The following ACAP2 variants were observed in gnomAD, a reference collection of about 807,000 sequenced individuals.
ACAP2 encodes the protein ArfGAP with coiled-coil, ankyrin repeat and PH domains 2.
Under a neutral mutation model 115.8 loss-of-function variants are expected in ACAP2, and 39 were observed. That is an observed-to-expected ratio of 0.34 (90% CI 0.26 to 0.44). The LOEUF is 0.44. ACAP2 is among the 20% of genes least tolerant of loss of function. ACAP2 has a pLI of 1.00. For missense variants in ACAP2, 662 were observed against 927.6 expected (o/e 0.71, Z 3.72); for synonymous variants, 289 against 315.8 (o/e 0.92, Z 0.90).
chr3:195,321,990 T>C (rs2108604378), intron 9 of ACAP2, among the ~76,000 whole-genome samples: 1 of 152,334 alleles, frequency 6.6e-6, no homozygotes, highest in South Asian at 2.1e-4. Context: ...AAACAGATCT[T>C]AGTCTACAGT....
At chr3:195,421,969 A>G (rs1703263165) in intron 1 of ACAP2, among the ~76,000 whole-genome samples, 1 of 152,206 alleles carries the variant, frequency 6.6e-6, no homozygotes. Flanking sequence ...TTATATAAAG[A>G]ACATTTCTGC....
rs1577388664 is a variant in ACAP2 at position 195,381,765 on chromosome 3, A to G, written c.231+138T>C. 4 of 893,312 alleles carry G rather than the reference A, an allele frequency of 4.5e-6. No individual in the cohort carries two copies. In the African/African-American group the frequency reaches 6.7e-5, roughly 15 times the overall value. The allele number at this position is 893,312 out of a possible 1,614,324, so 55.3% of individuals were successfully genotyped here. Reference sequence around the variant, plus strand: ...CTTAGAAAACAGAATCATACAAGAGAGCACCAAGGGGTGACCACTTTTCTA... The same window carrying G: ...CTTAGAAAACAGAATCATACAAGAGGGCACCAAGGGGTGACCACTTTTCTA... On this transcript the variant is annotated intron_variant, in intron 3 of 22. Transcript: ENST00000326793.
At chr3:195,355,113 T>C (rs1731867123) in intron 4 of ACAP2, among the ~76,000 whole-genome samples, 1 of 152,132 alleles carries the variant, frequency 6.6e-6, no homozygotes, top group South Asian at 2.1e-4. Context: ...CCCAAAGTGC[T>C]GGGATTACAG....
chr3:195,403,834 C>T (rs1712518602), intron 1 of ACAP2, among the ~76,000 whole-genome samples: 1 of 151,954 alleles, frequency 6.6e-6, no homozygotes, highest in Non-Finnish European at 1.5e-5. Flanking sequence ...GGTGGATGCA[C>T]CTGAGTCTAG....
At chr3:195,316,038 A>G (rs1729067809) in intron 10 of ACAP2, among the ~76,000 whole-genome samples, 1 of 152,176 alleles carries the variant, frequency 6.6e-6, no homozygotes, top group East Asian at 1.9e-4. Flanking sequence ...TCTTCTTAAC[A>G]TAATGGTATG....
intron 22 of ACAP2, chr3:195,280,656 A>G (rs1474657203): frequency 6.6e-6 from 1 of 152,196 alleles, no homozygotes; most frequent in Non-Finnish European, 1.5e-5. Context: ...ACCGAGAAAT[A>G]GATTATAGAT....
chr3:195,295,932 CTCAG>C, intron 16 of ACAP2, 40 bp from the exon 17 acceptor site: 2 of 1,535,172 alleles, frequency 1.3e-6, no homozygotes, highest in South Asian at 2.5e-5. Flanking sequence ...TGCTTAATCT[CTCAG>C]CATGGCTAAT....
Position 195,279,266 on chromosome 3 carries a change from A to G in ACAP2, c.*62T>C. Reference sequence around the variant, plus strand: ...GAATTAAAGCAGTAAAAAAATTGTGATTTTTTAGCTGTATACATTAGGGGG... The same window carrying G: ...GAATTAAAGCAGTAAAAAAATTGTGGTTTTTTAGCTGTATACATTAGGGGG... On this transcript the variant is annotated 3_prime_UTR_variant, in exon 23 of 23. Coordinates refer to ENST00000326793, the MANE Select transcript of ACAP2 (RefSeq NM_012287.6). 1 of 1,152,762 alleles carries G rather than the reference A, an allele frequency of 8.7e-7. No individual in the cohort carries two copies. The highest frequency in any genetic ancestry group is 1.2e-6 in the Non-Finnish European group (1 of 803,032). 71.4% of individuals were successfully genotyped at this position (1,152,762 alleles called of 1,614,324 possible).
chr3:195,325,526 T>C (rs1577303137), intron 9 of ACAP2: 1 of 406,550 alleles, frequency 2.5e-6, no homozygotes, highest in African/African-American at 2.1e-5. Flanking sequence ...TCATTTTCTT[T>C]AAAGGAAAAC....
intron 3 of ACAP2, among the ~76,000 whole-genome samples, chr3:195,381,537 G>A (rs891140085): frequency 6.6e-6 from 1 of 152,082 alleles, no homozygotes; most frequent in East Asian, 1.9e-4. Context: ...CAGTTAAGAC[G>A]CTGTACTTAG....
chr3:195,421,583 T>C (rs1028244268), intron 1 of ACAP2, among the ~76,000 whole-genome samples: 14 of 152,232 alleles, frequency 9.2e-5, no homozygotes, highest in Admixed American at 8.5e-4. Flanking sequence ...ATTAGTGCTG[T>C]AGTCATAGGA....
rs1307293164 is a variant in ACAP2, at chr3:195,326,675, A to G, written c.744+210T>C. ...CAAATTTTTATAAACTGGTTCAAGA[A>G]GCATAGCTTTCAAAGATCTGAAAAA... On this transcript the variant is annotated intron_variant, in intron 9 of 22. Coordinates refer to ENST00000326793, the MANE Select transcript of ACAP2 (RefSeq NM_012287.6). 8.3e-6 allele frequency: 4 copies of G among 479,374 alleles called. No homozygotes were observed. The East Asian group carries it at 1.4e-4, about 17-fold the overall frequency. The allele number at this position is 479,374 out of a possible 1,614,324, so 29.7% of individuals were successfully genotyped here. A position where few individuals can be genotyped will look rare whatever the true frequency, so the allele number is the denominator to read the frequency against.
intron 22 of ACAP2, among the ~76,000 whole-genome samples, chr3:195,281,256 T>C (rs1323946237): frequency 6.6e-6 from 1 of 151,792 alleles, no homozygotes; most frequent in Non-Finnish European, 1.5e-5. Flanking sequence ...ATACAAAAAA[T>C]TAGCCGGGCG....
chr3:195,316,086 TTAAG>T (rs1729072766), intron 10 of ACAP2, among the ~76,000 whole-genome samples: 1 of 152,200 alleles, frequency 6.6e-6, no homozygotes, highest in Non-Finnish European at 1.5e-5. Flanking sequence ...TTGTTAAACT[TTAAG>T]TAGGTTGCTT....
chr3:195,337,623 T>C (rs1381905021), intron 6 of ACAP2, among the ~76,000 whole-genome samples: 1 of 152,128 alleles, frequency 6.6e-6, no homozygotes, highest in Non-Finnish European at 1.5e-5. Flanking sequence ...TAATTTTTTC[T>C]ATTTAGTAGA....
chr3:195,367,181 A>C (rs1461069320), intron 4 of ACAP2, among the ~76,000 whole-genome samples: 4 of 152,178 alleles, frequency 2.6e-5, no homozygotes, highest in Non-Finnish European at 5.9e-5. Context: ...GCTTGTTCAA[A>C]CACAGATTGC....
intron 6 of ACAP2, among the ~76,000 whole-genome samples, chr3:195,337,208 A>G (rs1289033812): frequency 6.6e-6 from 1 of 152,238 alleles, no homozygotes; most frequent in African/African-American, 2.4e-5. Flanking sequence ...TATTTAACCG[A>G]TATTAGAGTG....
chr3:195,293,764 G>A (rs1405380798), intron 18 of ACAP2, among the ~76,000 whole-genome samples: 1 of 152,104 alleles, frequency 6.6e-6, no homozygotes, highest in Non-Finnish European at 1.5e-5. Flanking sequence ...TGCGTGAACA[G>A]AAGGTAGAGG....
Position 195,290,853 on chromosome 3 carries a change from A to AAAT in ACAP2, c.2063+850_2063+852dup, listed in dbSNP as rs1553843276. Among the ~76,000 whole-genome samples the AAAT allele has an allele frequency of 3.3e-3, 420 of 127,542 alleles. 1 individual carries two copies. The highest frequency in any genetic ancestry group is 0.011 in the African/African-American group (346 of 32,718). 83.7% of individuals were successfully genotyped at this position (127,542 alleles called of 152,430 possible). A position where few individuals can be genotyped will look rare whatever the true frequency, so the allele number is the denominator to read the frequency against. The stretch of plus-strand genomic sequence containing the variant: ...ATAAATAAATAAATAAATAAATAAT[A>AAAT]AATAAATAAATAAATAAATAAAAAT... On this transcript the variant is annotated intron_variant, in intron 20 of 22. Transcript: ENST00000326793.
Sources: gnomAD v4.1 joint callset for allele counts (sites outside exome capture counted in the v4.1 genomes callset) on GRCh38, gnomAD v4.1.1 for gene constraint, MANE v1.5 for transcripts, NCBI Gene and HGNC (gene_info 2026-07-23, HGNC 2026-07-21) for gene names.